PIK3CB: variants seen among roughly 807,000 people sequenced by gnomAD.
The protein encoded by PIK3CB is phosphatidylinositol-4,5-bisphosphate 3-kinase catalytic subunit beta, also known as phosphatidylinositol 4,5-bisphosphate 3-kinase catalytic subunit beta isoform.
Under a neutral mutation model 136.8 loss-of-function variants are expected in PIK3CB, and 39 were observed. The observed-to-expected ratio is 0.29, with a 90% confidence interval of 0.22 to 0.37. The LOEUF (loss-of-function observed/expected upper bound fraction) is 0.37. Ranked by LOEUF, PIK3CB falls within the 10% of genes least tolerant of loss-of-function variation. PIK3CB has a pLI of 1.00. For synonymous variants in PIK3CB, 428 were observed against 436.6 expected (o/e 0.98, Z 0.25); for missense variants, 868 against 1,275.4 (o/e 0.68, Z 4.87).
chr3:138,660,742 C>T (rs901363207), intron 21 of PIK3CB, among the ~76,000 whole-genome samples: 1 of 152,194 alleles, frequency 6.6e-6, no homozygotes, highest in Non-Finnish European at 1.5e-5. Context: ...AGGTAACACA[C>T]AGGTCAGCTC....
chr3:138,682,777 A>G (rs1458356693), intron 18 of PIK3CB, among the ~76,000 whole-genome samples: 1 of 152,230 alleles, frequency 6.6e-6, no homozygotes, highest in Non-Finnish European at 1.5e-5. Flanking sequence ...ACATATTCTG[A>G]TAAGCACATT....
intron 2 of PIK3CB, among the ~76,000 whole-genome samples, chr3:138,784,838 G>A: frequency 6.6e-6 from 1 of 152,156 alleles, no homozygotes; most frequent in African/African-American, 2.4e-5. Context: ...TGCAGCCTCT[G>A]CCCGGCCGCC....
In PIK3CB at chr3:138,681,944, A is replaced by G. The variant is rs561466752; in HGVS notation, c.2504+23T>C. 34 of 1,526,332 alleles carry G rather than the reference A, an allele frequency of 2.2e-5. No individual in the cohort carries two copies. In the South Asian group the frequency reaches 4.1e-4, roughly 18 times the overall value. 94.5% of individuals were successfully genotyped at this position (1,526,332 alleles called of 1,614,324 possible). On this transcript the variant is annotated intron_variant, in intron 19 of 23. Coordinates refer to ENST00000674063, the MANE Select transcript of PIK3CB (RefSeq NM_006219.3). The stretch of plus-strand genomic sequence containing the variant: ...GCTATGGGAAGACATTAGACTGAAA[A>G]AAAAAAAAAGACTAGATCTCACCGA...
intron 15 of PIK3CB, among the ~76,000 whole-genome samples, chr3:138,689,412 G>C (rs2108501714): frequency 6.6e-6 from 1 of 152,294 alleles, no homozygotes; most frequent in South Asian, 2.1e-4. Flanking sequence ...TCCTGCCTCA[G>C]CCTCCCGAGT....
intron 2 of PIK3CB, among the ~76,000 whole-genome samples, chr3:138,789,317 G>T (rs1276143031): frequency 3.3e-5 from 5 of 152,114 alleles, no homozygotes; most frequent in Non-Finnish European, 7.3e-5. Flanking sequence ...AAATTAGCCA[G>T]GTGTGGTGGT....
At chr3:138,757,213 G>A (rs892639666) in intron 3 of PIK3CB, among the ~76,000 whole-genome samples, 2 of 151,952 alleles carry the variant, frequency 1.3e-5, no homozygotes, top group Admixed American at 6.6e-5. Context: ...AGACCATCCT[G>A]GCCAACATGG....
At chr3:138,736,571 C>T (rs757904627) in intron 6 of PIK3CB, among the ~76,000 whole-genome samples, 1 of 152,162 alleles carries the variant, frequency 6.6e-6, no homozygotes, top group Non-Finnish European at 1.5e-5. Context: ...TCAACAAAAA[C>T]ATCTTCAAGT....
intron 1 of PIK3CB, among the ~76,000 whole-genome samples, chr3:138,829,662 C>CTA (rs1933938404): frequency 1.3e-5 from 2 of 152,078 alleles, no homozygotes; most frequent in Admixed American, 1.3e-4. Context: ...TGGCGTGCGC[C>CTA]TATAATCCCA....
At position 138,825,916 on chromosome 3, in the gene PIK3CB, T is replaced by C. The variant is rs1403254320; in HGVS notation, c.-122+8779A>G. On this transcript the variant is annotated intron_variant, in intron 1 of 23. Transcript: ENST00000674063. ...TCAAAGATGTTCATCACGGCAACGT[T>C]GCTGGTGACAGCAAAAATGACCCAC... 3 of 1,561,904 alleles carry C rather than the reference T, an allele frequency of 1.9e-6. No homozygotes were observed. The African/African-American group carries it at 4.1e-5, about 21-fold the overall frequency.
chr3:138,826,298 A>G (rs1933778922), intron 1 of PIK3CB: 3 of 1,597,342 alleles, frequency 1.9e-6, no homozygotes, highest in Admixed American at 3.3e-5. Context: ...AAGGTCACCA[A>G]GTCTGCCCAG....
chr3:138,771,497 C>T (rs1224984000), intron 2 of PIK3CB, among the ~76,000 whole-genome samples: 2 of 152,090 alleles, frequency 1.3e-5, no homozygotes, highest in African/African-American at 2.4e-5. Flanking sequence ...GGATTACAGG[C>T]GTAAGCCACC....
intron 18 of PIK3CB, 26 bp downstream of exon 18, chr3:138,683,652 T>A: frequency 8.7e-7 from 1 of 1,145,214 alleles, no homozygotes; most frequent in Non-Finnish European, 1.3e-6. Context: ...TCTAAGAAAT[T>A]TGATGTTAAA....
At chr3:138,780,698 TCTCA>T (rs1252019233) in intron 2 of PIK3CB, among the ~76,000 whole-genome samples, 1 of 152,158 alleles carries the variant, frequency 6.6e-6, no homozygotes, top group African/African-American at 2.4e-5. Flanking sequence ...TCTGAGTGTC[TCTCA>T]CTGTCATGCA....
intron 12 of PIK3CB, among the ~76,000 whole-genome samples, chr3:138,704,038 A>C (rs2044312097): frequency 6.6e-6 from 1 of 152,204 alleles, no homozygotes; most frequent in African/African-American, 2.4e-5. Flanking sequence ...TACATGTTAA[A>C]TATGGCAGAG....
intron 13 of PIK3CB, 122 bp downstream of exon 13, chr3:138,698,785 A>C: frequency 1.8e-6 from 1 of 556,100 alleles, no homozygotes; most frequent in Non-Finnish European, 3.1e-6. Context: ...TTAAAACCTC[A>C]AAATTTCTCC....
intron 1 of PIK3CB, among the ~76,000 whole-genome samples, chr3:138,812,399 G>A (rs1010458533): frequency 8.6e-5 from 13 of 151,738 alleles, no homozygotes; most frequent in Non-Finnish European, 1.5e-5. Context: ...ACCACTCCTG[G>A]CTAATTTTTG....
chr3:138,822,491 ACGACACTGTACTCCAGCCTGGG>A (rs903804491), intron 1 of PIK3CB, among the ~76,000 whole-genome samples: 1 of 151,456 alleles, frequency 6.6e-6, no homozygotes, highest in Non-Finnish European at 1.5e-5. Context: ...AGCCAAGTTC[ACGACACTGTACTCCAGCCTGGG>A]CGACACAGTG....
At chr3:138,761,099 T>C (rs1348533136) in intron 2 of PIK3CB, among the ~76,000 whole-genome samples, 1 of 152,204 alleles carries the variant, frequency 6.6e-6, no homozygotes, top group Non-Finnish European at 1.5e-5. Context: ...CGTCCGTGTC[T>C]GTCTTGTTGA....
chr3:138,826,899 GTC>G lies in PIK3CB; in HGVS notation c.-122+7794_-122+7795del, dbSNP rs1237474058. Among the ~76,000 whole-genome samples the G allele has an allele frequency of 1.6e-4, 24 of 152,050 alleles. No individual in the cohort carries two copies. In the East Asian group the frequency reaches 4.7e-3, roughly 29 times the overall value. ...GCCTGACTAACATGGTAAAAACCCC[GTC>G]TCTACTAAAAATACAAAATTAGCTG... On this transcript the variant is annotated intron_variant, in intron 1 of 23. Transcript: ENST00000674063.
Sources: gnomAD v4.1 joint callset for allele counts (sites outside exome capture counted in the v4.1 genomes callset) on GRCh38, gnomAD v4.1.1 for gene constraint, MANE v1.5 for transcripts, NCBI Gene and HGNC (gene_info 2026-07-23, HGNC 2026-07-21) for gene names.